Variants in NIPBL observed in about 807,000 individuals in gnomAD.
The protein encoded by NIPBL is NIPBL cohesin loading factor.
NIPBL carries 19 observed loss-of-function variants against 321.8 expected under a neutral mutation model. The ratio of observed to expected loss-of-function variants is 0.06; its 90% confidence interval spans 0.04 to 0.09. The LOEUF (loss-of-function observed/expected upper bound fraction) is 0.09. NIPBL is among the 10% of genes least tolerant of loss of function. The pLI is 1.00. For synonymous variants in NIPBL, 1,106 were observed against 1,114.1 expected, an observed-to-expected ratio of 0.99 and a Z score of 0.14; for missense variants, 2,210 against 3,327.0, an observed-to-expected ratio of 0.66 and a Z score of 8.26.
At chr5:36,921,833 A>C (rs1353964399) in intron 1 of NIPBL, among the ~76,000 whole-genome samples, 1 of 152,014 alleles carries the variant, frequency 6.6e-6, no homozygotes, top group East Asian at 1.9e-4. Context: ...GAAATTATTA[A>C]CTTTTTATTG....
chr5:37,034,638 C>T (rs747671689), intron 32 of NIPBL, among the ~76,000 whole-genome samples: 1 of 152,052 alleles, frequency 6.6e-6, no homozygotes, highest in Admixed American at 6.6e-5. Context: ...AAGTATACTA[C>T]CTTTTTAGAA....
chr5:37,013,742 A>G (rs1050914827), intron 21 of NIPBL, among the ~76,000 whole-genome samples: 14 of 150,422 alleles, frequency 9.3e-5, no homozygotes, highest in Middle Eastern at 7.3e-3. Flanking sequence ...CCAGGCAGAG[A>G]GGCTCCTCAC....
chr5:36,886,571 G>T, intron 1 of NIPBL: 2 of 600,576 alleles, frequency 3.3e-6, no homozygotes, highest in Non-Finnish European at 3.0e-6. Context: ...GGGAAAATAG[G>T]CTATTCAGTT....
At chr5:37,061,905 G>A (rs1338417432) in intron 45 of NIPBL, among the ~76,000 whole-genome samples, 1 of 152,100 alleles carries the variant, frequency 6.6e-6, no homozygotes, top group Non-Finnish European at 1.5e-5. Flanking sequence ...GCAATGGCGC[G>A]ATCTCGGCTC....
intron 44 of NIPBL, among the ~76,000 whole-genome samples, chr5:37,060,373 A>G (rs1464380818): frequency 6.6e-6 from 1 of 152,080 alleles, no homozygotes; most frequent in Non-Finnish European, 1.5e-5. Context: ...TGTGTTGCTC[A>G]TGGTAGTCTT....
chr5:36,917,596 C>A (rs557756208), intron 1 of NIPBL, among the ~76,000 whole-genome samples: 1 of 152,122 alleles, frequency 6.6e-6, no homozygotes, highest in Non-Finnish European at 1.5e-5. Context: ...GAAGTCCTTG[C>A]CCATGCCTAT....
chr5:37,016,669 T>C (rs1440278300), intron 23 of NIPBL, among the ~76,000 whole-genome samples: 2 of 152,198 alleles, frequency 1.3e-5, no homozygotes, highest in South Asian at 4.1e-4. Context: ...TGGGAAAATA[T>C]GTTAATATTA....
At chr5:36,902,043 G>A (rs1046698741) in intron 1 of NIPBL, among the ~76,000 whole-genome samples, 6 of 151,840 alleles carry the variant, frequency 4.0e-5, no homozygotes, top group East Asian at 3.9e-4. Flanking sequence ...CTTATTGGCG[G>A]TATGTATGTT....
chr5:37,025,635 T>A (rs1200700990), intron 30 of NIPBL, among the ~76,000 whole-genome samples: 2 of 152,158 alleles, frequency 1.3e-5, no homozygotes, highest in South Asian at 4.1e-4. Context: ...TAACTTATTG[T>A]ACATTTAAAA....
intron 32 of NIPBL, among the ~76,000 whole-genome samples, chr5:37,028,333 CTTTTTTTTT>C (rs10676635): frequency 4.9e-5 from 5 of 102,556 alleles, no homozygotes; most frequent in African/African-American, 1.7e-4. Context: ...TTCCATAATA[CTTTTTTTTT>C]TTTTTTTTTT....
intron 1 of NIPBL, among the ~76,000 whole-genome samples, chr5:36,936,406 A>T (rs771230860): frequency 1.5e-4 from 23 of 152,152 alleles, no homozygotes; most frequent in Non-Finnish European, 1.0e-4. Context: ...TTGGCTACGT[A>T]TACAGTACAA....
At chr5:37,041,088 A>G (rs1752289681) in intron 34 of NIPBL, among the ~76,000 whole-genome samples, 1 of 151,310 alleles carries the variant, frequency 6.6e-6, no homozygotes, top group Non-Finnish European at 1.5e-5. Context: ...TATATTCATT[A>G]CAAATATTTT....
chr5:36,891,772 G>T lies in NIPBL; in HGVS notation c.-80+14594G>T, dbSNP rs296956. Reference sequence around the variant, plus strand: ...TAAAAAAATTTTTGGATAGTAGGCAGGAAAAGGGAGGCTCAGGAGGCCAGT... The same window carrying T: ...TAAAAAAATTTTTGGATAGTAGGCATGAAAAGGGAGGCTCAGGAGGCCAGT... On this transcript the variant is annotated intron_variant, in intron 1 of 46. Transcript: ENST00000282516. Among the ~76,000 whole-genome samples, 19 of 152,230 alleles carry T rather than the reference G, an allele frequency of 1.2e-4. No homozygotes were observed. In the East Asian group the frequency reaches 3.7e-3, roughly 29 times the overall value.
At chr5:36,908,285 T>TA (rs1198408104) in intron 1 of NIPBL, among the ~76,000 whole-genome samples, 1 of 152,138 alleles carries the variant, frequency 6.6e-6, no homozygotes, top group African/African-American at 2.4e-5. Flanking sequence ...CTTCTTAACT[T>TA]AAAAAAAGCA....
At chr5:36,948,519 A>G (rs1307064411) in intron 1 of NIPBL, among the ~76,000 whole-genome samples, 1 of 151,950 alleles carries the variant, frequency 6.6e-6, no homozygotes, top group African/African-American at 2.4e-5. Flanking sequence ...TATTATGAGA[A>G]AAGTTACCAG....
At chr5:36,893,956 C>T (rs944019171) in intron 1 of NIPBL, among the ~76,000 whole-genome samples, 1 of 152,182 alleles carries the variant, frequency 6.6e-6, no homozygotes, top group African/African-American at 2.4e-5. Context: ...AAATTGTGAA[C>T]TGACCTATCT....
intron 1 of NIPBL, among the ~76,000 whole-genome samples, chr5:36,933,463 T>C (rs748333955): frequency 1.3e-5 from 2 of 152,104 alleles, no homozygotes; most frequent in Non-Finnish European, 2.9e-5. Context: ...TGATGAGATA[T>C]AGTTCTAGAG....
At chr5:36,884,376 G>A (rs1745728960) in intron 1 of NIPBL, among the ~76,000 whole-genome samples, 1 of 152,104 alleles carries the variant, frequency 6.6e-6, no homozygotes, top group Admixed American at 6.5e-5. Context: ...CATTAACCAT[G>A]AAAATATATA....
chr5:36,989,867 G>A (rs569754734), intron 10 of NIPBL, among the ~76,000 whole-genome samples: 2 of 149,128 alleles, frequency 1.3e-5, no homozygotes, highest in Admixed American at 6.7e-5. Flanking sequence ...AAAAAAATTG[G>A]CATAATCATC....
Sources: allele counts gnomAD v4.1 joint callset (sites outside exome capture counted in the v4.1 genomes callset), GRCh38; gene constraint gnomAD v4.1.1; transcripts MANE v1.5; gene names NCBI Gene and HGNC (gene_info 2026-07-23, HGNC 2026-07-21).